The following UBN2 variants were observed in gnomAD, a reference collection of about 807,000 sequenced individuals.
UBN2 encodes ubinuclein 2.
A neutral mutation model predicts 120.2 loss-of-function variants in UBN2; 35 were observed. The ratio of observed to expected loss-of-function variants is 0.29; its 90% CI spans 0.22 to 0.39. UBN2 has a LOEUF of 0.39. Among genes scored for constraint, UBN2 ranks in the 10% least tolerant of loss-of-function variants. The pLI is 1.00. For synonymous variants in UBN2, 661 were observed against 648.7 expected (o/e 1.02, Z -0.29); for missense variants, 1,693 against 1,663.2 (o/e 1.02, Z -0.31).
the UBN2 span, among the ~76,000 whole-genome samples, chr7:139,317,733 G>T: frequency 6.6e-6 from 1 of 151,964 alleles, no homozygotes; most frequent in African/African-American, 2.4e-5. Context: ...CACAGTCTTG[G>T]CTCACTGCAA....
Position 139,279,338 on chromosome 7 carries a change from C to T in UBN2, c.2045C>T (p.Pro682Leu). Residue 682 changes from proline (P) to leucine (L), a missense_variant, in exon 13 of 18, where the codon CCT becomes CTT. Physicochemically the swap from Pro to Leu is moderately conservative, Grantham distance 98. This residue lies in a region of UBN2 where 837 missense variants were observed against 817.6 expected (regional missense o/e 1.02). Coordinates refer to ENST00000473989, the MANE Select transcript of UBN2 (RefSeq NM_173569.4). ...CTTAGGGCAAAGAAAAAGGTGATTC[C>T]TGCACCTAAACCCAAAGTAAAGGTA... Reference protein sequence around the residue: ...TSAPAKKKVIPAPKPKVKEVM... With the variant: ...TSAPAKKKVILAPKPKVKEVM... 1 of 1,608,376 alleles carries T rather than the reference C, an allele frequency of 6.2e-7. No individual in the cohort carries two copies. Among genetic ancestry groups the T allele is most frequent in the Non-Finnish European group, 8.5e-7 (1 of 1,178,120 alleles).
intron 15 of UBN2, among the ~76,000 whole-genome samples, chr7:139,291,315 C>G (rs570884999): frequency 5.0e-5 from 7 of 140,626 alleles, no homozygotes; most frequent in African/African-American, 1.9e-4. Flanking sequence ...GAGCCAAGAT[C>G]GCAGCACTAC....
intron 12 of UBN2, chr7:139,277,340 C>T (rs1391250345): frequency 6.6e-6 from 1 of 152,172 alleles, no homozygotes; most frequent in Non-Finnish European, 1.5e-5. Context: ...TTTCAGCTCT[C>T]CCAGAACTTC....
intron 12 of UBN2, among the ~76,000 whole-genome samples, chr7:139,279,043 G>C (rs1337816418): frequency 1.3e-5 from 2 of 151,398 alleles, no homozygotes; most frequent in Non-Finnish European, 2.9e-5. Flanking sequence ...CTCTTTTTTT[G>C]GGGGGGCTAT....
rs922427899 is a variant in UBN2, at chr7:139,303,890, G to A, written c.*6054G>A. Reference sequence around the variant, plus strand: ...CACTAAGTTTAAGTAGTTTTTTTTAGCCTTTTACGGTGTTACTGTGATTTT... The same window carrying A: ...CACTAAGTTTAAGTAGTTTTTTTTAACCTTTTACGGTGTTACTGTGATTTT... On this transcript the variant is annotated 3_prime_UTR_variant, in exon 18 of 18. Transcript: ENST00000473989. 6.6e-6 allele frequency: 1 copy of A among 152,024 alleles called. No individual in the cohort carries two copies. Among genetic ancestry groups the A allele is most frequent in the African/African-American group, 2.4e-5 (1 of 41,394 alleles). 9.4% of individuals were successfully genotyped at this position (152,024 alleles called of 1,614,324 possible).
rs1455040716 is a variant in UBN2 at position 139,281,992 on chromosome 7, T to TGTAATACCTTA, written c.2068-11_2068-1dup. The TGTAATACCTTA allele has an allele frequency of 6.2e-7, 1 of 1,612,774 alleles. No homozygotes were observed. The highest frequency in any genetic ancestry group is 8.5e-7 in the Non-Finnish European group (1 of 1,179,024). ...AACAGTATTCTTAACAGCTTGCTTATGTAATACCTTAGGAGGTGATGGTAA... is the reference window on the plus strand; with the variant it reads ...AACAGTATTCTTAACAGCTTGCTTATGTAATACCTTAGTAATACCTTAGGAGGTGATGGTAA... On this transcript the variant is annotated splice_polypyrimidine_tract_variant and intron_variant, in intron 13 of 17. Coordinates refer to ENST00000473989, the MANE Select transcript of UBN2 (RefSeq NM_173569.4).
In UBN2 at chr7:139,299,073, T is replaced by G. The variant is rs1217193489; in HGVS notation, c.*1237T>G. 3 of 152,210 alleles carry G rather than the reference T, an allele frequency of 2.0e-5. No individual in the cohort carries two copies. The allele number at this position is 152,210 out of a possible 1,614,324, so 9.4% of individuals were successfully genotyped here. On this transcript the variant is annotated 3_prime_UTR_variant, in exon 18 of 18. Transcript: ENST00000473989. Reference sequence around the variant, plus strand: ...CAGTGTATTGGTATGTGAGTAAATCTGCAGAAAATAAGACTCCTTAGTTAT... The same window carrying G: ...CAGTGTATTGGTATGTGAGTAAATCGGCAGAAAATAAGACTCCTTAGTTAT...
chr7:139,279,042 T>G (rs1281873001), intron 12 of UBN2, among the ~76,000 whole-genome samples: 4 of 152,000 alleles, frequency 2.6e-5, no homozygotes, highest in East Asian at 1.9e-4. Flanking sequence ...GCTCTTTTTT[T>G]GGGGGGGCTA....
chr7:139,261,620 G>A lies in UBN2; in HGVS notation c.1274G>A (p.Gly425Glu). 1.9e-6 allele frequency: 3 copies of A among 1,614,150 alleles called. 1 individual carries two copies. The highest frequency in any genetic ancestry group is 2.2e-5 in the South Asian group (2 of 91,080). The change falls in exon 6 of 18, where the codon GGG becomes GAG. Residue 425 changes from glycine (G) to glutamate (E), a missense_variant. Gly to Glu is a moderately conservative substitution (Grantham distance 98). Around this residue, in one of 5 missense-constraint regions of UBN2, gnomAD observed 663 missense variants for 591.2 expected, o/e 1.12. Transcript: ENST00000473989. ...GATGGTAGCCCCCTATCTGAGTCGG[G>A]GGGTGAAAATGGAACCACCACCCAG... is the stretch of plus-strand genomic sequence containing the variant. Reference protein sequence around the residue: ...ASDGSPLSESGGENGTTTQPT... With the variant: ...ASDGSPLSESEGENGTTTQPT...
chr7:139,291,879 TTAAA>T (rs1423445563), intron 15 of UBN2, among the ~76,000 whole-genome samples: 1 of 152,014 alleles, frequency 6.6e-6, no homozygotes, highest in African/African-American at 2.4e-5. Context: ...TAAATTTTTT[TTAAA>T]TAAAAAAGTC....
chr7:139,238,911 T>C (rs1262913946), intron 2 of UBN2, among the ~76,000 whole-genome samples: 1 of 152,136 alleles, frequency 6.6e-6, no homozygotes, highest in Non-Finnish European at 1.5e-5. Flanking sequence ...GATGTATAAA[T>C]TGTAAAATCC....
chr7:139,285,788 G>T (rs570291256), intron 15 of UBN2, among the ~76,000 whole-genome samples: 1 of 151,610 alleles, frequency 6.6e-6, no homozygotes, highest in Non-Finnish European at 1.5e-5. Flanking sequence ...TGTCGTCCAC[G>T]CTGGAGGGCA....
At chr7:139,314,137 C>T in the UBN2 span, among the ~76,000 whole-genome samples, 1,223 of 150,542 alleles carry the variant, frequency 8.1e-3, 21 homozygotes, top group African/African-American at 0.029. Flanking sequence ...CGTGAGTCAC[C>T]GCACCTGGCC....
intron 2 of UBN2, among the ~76,000 whole-genome samples, chr7:139,239,959 T>C (rs1254275563): frequency 6.6e-6 from 1 of 152,210 alleles, no homozygotes; most frequent in Non-Finnish European, 1.5e-5. Flanking sequence ...AGTGATTCAG[T>C]ATATGACGCA....
chr7:139,312,165 C>T (rs1477381269), downstream of UBN2, among the ~76,000 whole-genome samples: 1 of 152,192 alleles, frequency 6.6e-6, no homozygotes, highest in Non-Finnish European at 1.5e-5. Flanking sequence ...TCTCCTCTTC[C>T]TTAGTCCCCA....
At chr7:139,245,983 T>C (rs1017451611) in intron 2 of UBN2, among the ~76,000 whole-genome samples, 6 of 152,190 alleles carry the variant, frequency 3.9e-5, no homozygotes, top group Non-Finnish European at 5.9e-5. Context: ...TCAATTCTTA[T>C]AGGTGGAGTG....
chr7:139,249,822 C>G (rs1030753306), intron 2 of UBN2, among the ~76,000 whole-genome samples: 1 of 151,902 alleles, frequency 6.6e-6, no homozygotes, highest in African/African-American at 2.4e-5. Flanking sequence ...CTCAGCCTCT[C>G]AAGTAGCAAG....
At chr7:139,246,210 C>T (rs1796464047) in intron 2 of UBN2, among the ~76,000 whole-genome samples, 1 of 152,030 alleles carries the variant, frequency 6.6e-6, no homozygotes. Context: ...ACTAAAAATA[C>T]AAAAATTAGC....
At position 139,293,970 on chromosome 7, in the gene UBN2, A is replaced by G. The variant is rs1408519108; in HGVS notation, c.3983A>G (p.Gln1328Arg). 1 of 1,614,128 alleles carries G rather than the reference A, an allele frequency of 6.2e-7. No individual in the cohort carries two copies. Among genetic ancestry groups the G allele is most frequent in the East Asian group, 2.2e-5 (1 of 44,874 alleles). ...TCACCTCTGCCTGCACACTTACAGC[A>G]AGCATTTCACGGTGAGAACGCCACC... is the stretch of plus-strand genomic sequence containing the variant. The part of the protein sequence containing the change: ...SHSPLPAHLQ[Q>R]AFHDGGQSKG... The change falls in exon 17 of 18, where the codon CAA (glutamine) becomes CGA (arginine). Residue 1328 changes from glutamine (Q) to arginine (R), a missense_variant. By Grantham distance (43) the Gln-to-Arg change is conservative (BLOSUM62 1). Coordinates refer to ENST00000473989, the MANE Select transcript of UBN2 (RefSeq NM_173569.4).
Sources: allele counts gnomAD v4.1 joint callset (sites outside exome capture counted in the v4.1 genomes callset), GRCh38; gene constraint gnomAD v4.1.1; regional missense constraint gnomAD v4.1.1; transcripts MANE v1.5; gene names NCBI Gene and HGNC (gene_info 2026-07-23, HGNC 2026-07-21).